Variants in RNF115 observed in about 807,000 individuals in gnomAD.
The protein encoded by RNF115 is ring finger protein 115, also known as E3 ubiquitin-protein ligase RNF115.
RNF115 carries 31 observed loss-of-function variants against 39.2 expected under a neutral mutation model. The observed-to-expected ratio is 0.79, with a 90% confidence interval of 0.59 to 1.07. RNF115 has a LOEUF of 1.07. RNF115 is among the 50% of genes least tolerant of loss of function. The pLI, the probability that RNF115 is intolerant of heterozygous loss-of-function variation, is 0.00. For synonymous variants in RNF115, 124 were observed against 131.0 expected (o/e 0.95, Z 0.37); for missense variants, 384 against 381.7 (o/e 1.01, Z -0.05).
rs184494263 is a variant in RNF115, at chr1:145,744,535, T to C, written c.*2331A>G. The C allele has an allele frequency of 1.8e-4, 27 of 152,326 alleles. No homozygotes were observed. Among genetic ancestry groups the C allele is most frequent in the African/African-American group, 5.8e-4 (24 of 41,562 alleles). The allele number at this position is 152,326 out of a possible 1,614,324, so 9.4% of individuals were successfully genotyped here. On this transcript the variant is annotated 3_prime_UTR_variant, in exon 9 of 9. Coordinates refer to ENST00000582693, the MANE Select transcript of RNF115 (RefSeq NM_014455.4). ...GCAGGCTATTATTTCAGCAGGCCAC[T>C]CTCTCACTTTTTCTGTTCCCTCTCT...
At chr1:145,794,445 G>A (rs782109998) in intron 1 of RNF115, among the ~76,000 whole-genome samples, 1 of 146,410 alleles carries the variant, frequency 6.8e-6, no homozygotes, top group South Asian at 2.2e-4. Flanking sequence ...AAAGCTTCCT[G>A]TAACTAGAAC....
In RNF115 at chr1:145,771,652, A is replaced by C; in HGVS notation, c.428+59T>G. The C allele has an allele frequency of 4.4e-6, 6 of 1,353,908 alleles. No individual in the cohort carries two copies. In the South Asian group the frequency reaches 7.4e-5, roughly 17 times the overall value. 83.9% of individuals were successfully genotyped at this position (1,353,908 alleles called of 1,614,324 possible). A position where few individuals can be genotyped will look rare whatever the true frequency, so the allele number is the denominator to read the frequency against. On this transcript the variant is annotated intron_variant, in intron 4 of 8. Coordinates refer to ENST00000582693, the MANE Select transcript of RNF115 (RefSeq NM_014455.4). The stretch of plus-strand genomic sequence containing the variant: ...ATGAGACCCTTATAAAGATTAGATT[A>C]TACCAATTTGTCCTTCATTGAAACT...
At chr1:145,767,796 C>T (rs1176272529) in intron 4 of RNF115, among the ~76,000 whole-genome samples, 1 of 152,278 alleles carries the variant, frequency 6.6e-6, no homozygotes, top group African/African-American at 2.4e-5. Flanking sequence ...CACAGCGAAA[C>T]CCCGTCTCCA....
rs111730958 is a variant in RNF115 at position 145,801,355 on chromosome 1, G to C, written c.103-12389C>G. ...AGGCCACGGAGGGAGGATCACTTGA[G>C]GCCAGGAGTTCGAGCCTGGCCCAAC... On this transcript the variant is annotated intron_variant, in intron 1 of 8. Coordinates refer to ENST00000582693, the MANE Select transcript of RNF115 (RefSeq NM_014455.4). Among the ~76,000 whole-genome samples, 929 of 152,150 alleles carry C rather than the reference G, an allele frequency of 6.1e-3. 4 individuals carry two copies. Among genetic ancestry groups the C allele is most frequent in the Admixed American group, 0.018 (278 of 15,272 alleles).
chr1:145,807,019 A>G (rs1649493444), intron 1 of RNF115, among the ~76,000 whole-genome samples: 1 of 152,250 alleles, frequency 6.6e-6, no homozygotes, highest in African/African-American at 2.4e-5. Context: ...TATAAGCAAC[A>G]CAAAATGGAC....
intron 1 of RNF115, among the ~76,000 whole-genome samples, chr1:145,814,623 A>AGTGTTAGC (rs1649898133): frequency 6.6e-6 from 1 of 151,962 alleles, no homozygotes; most frequent in Admixed American, 6.6e-5. Flanking sequence ...AGAAATACAA[A>AGTGTTAGC]GTGTTAGCAC....
intron 4 of RNF115, among the ~76,000 whole-genome samples, chr1:145,758,347 G>A (rs1173806051): frequency 2.0e-5 from 3 of 152,144 alleles, no homozygotes; most frequent in African/African-American, 7.2e-5. Context: ...TCATGTGAGT[G>A]AGCCATCTTG....
chr1:145,784,539 C>T lies in RNF115; in HGVS notation c.219G>A (p.Glu73=). 6.2e-7 allele frequency: 1 copy of T among 1,613,688 alleles called. No homozygotes were observed. The highest frequency in any genetic ancestry group is 8.5e-7 in the Non-Finnish European group (1 of 1,179,710). ...TTCCTACAGCTAAAGGAAAACTTAC[C>T]TCTGCAAAATGTGTTGTTGTGGTAT... ...IDNTTTTHFA[E]LWGHLDHTMF... Residue 73 remains glutamate, a splice_region_variant and synonymous_variant, in exon 3 of 9, where the codon GAG becomes GAA. Coordinates refer to ENST00000582693, the MANE Select transcript of RNF115 (RefSeq NM_014455.4).
intron 4 of RNF115, among the ~76,000 whole-genome samples, chr1:145,768,142 C>T (rs1448413084): frequency 6.6e-6 from 1 of 152,254 alleles, no homozygotes. Context: ...TCTTTCACGG[C>T]AAAGCCTTTG....
chr1:145,763,402 T>A (rs1282893725), intron 4 of RNF115, among the ~76,000 whole-genome samples: 1 of 151,774 alleles, frequency 6.6e-6, no homozygotes, highest in Non-Finnish European at 1.5e-5. Context: ...TAAAGCACAA[T>A]AAAATAAAAA....
intron 1 of RNF115, among the ~76,000 whole-genome samples, chr1:145,804,867 G>A (rs1157214076): frequency 1.3e-5 from 2 of 152,108 alleles, no homozygotes; most frequent in South Asian, 2.1e-4. Context: ...AATTTGGTAT[G>A]CAATATTTTA....
At chr1:145,791,186 A>C (rs1553718911) in intron 1 of RNF115, among the ~76,000 whole-genome samples, 1 of 151,684 alleles carries the variant, frequency 6.6e-6, no homozygotes, top group East Asian at 1.9e-4. Flanking sequence ...ATGTAAAGAA[A>C]GAGACTACTA....
intron 3 of RNF115, 95 bp downstream of exon 3, chr1:145,784,444 C>T (rs782339613): frequency 7.1e-5 from 80 of 1,119,008 alleles, no homozygotes; most frequent in Non-Finnish European, 9.0e-5. Context: ...TTCAGTTAAA[C>T]TCTGATGTTG....
rs1657783915 is a variant in RNF115 at position 145,744,090 on chromosome 1, A to C, written c.*2776T>G. ...CTTTGTTTCCACCCTTTTTAAAGGT[A>C]CTCAGATCCTTTCTAGTTCTCTAGG... On this transcript the variant is annotated 3_prime_UTR_variant, in exon 9 of 9. Transcript: ENST00000582693. The C allele has an allele frequency of 2.0e-5, 3 of 152,254 alleles. No individual in the cohort carries two copies. In the East Asian group the frequency reaches 5.7e-4, roughly 29 times the overall value. 9.4% of individuals were successfully genotyped at this position (152,254 alleles called of 1,614,324 possible).
intron 8 of RNF115, among the ~76,000 whole-genome samples, chr1:145,747,754 T>C (rs1553711947): frequency 1.3e-5 from 2 of 152,178 alleles, no homozygotes; most frequent in Admixed American, 1.3e-4. Context: ...CCACAATCTA[T>C]AACCAAATGA....
At chr1:145,795,456 T>A (rs1406833066) in intron 1 of RNF115, among the ~76,000 whole-genome samples, 1 of 152,152 alleles carries the variant, frequency 6.6e-6, no homozygotes, top group African/African-American at 2.4e-5. Context: ...GAGCGCTGAT[T>A]GGTCCATTTT....
chr1:145,800,921 G>A (rs955858897), intron 1 of RNF115, among the ~76,000 whole-genome samples: 9 of 152,158 alleles, frequency 5.9e-5, no homozygotes, highest in Non-Finnish European at 1.2e-4. Flanking sequence ...TGTAATCCCA[G>A]CACTTTGGGA....
At position 145,793,044 on chromosome 1, in the gene RNF115, C is replaced by T. The variant is rs142463704; in HGVS notation, c.103-4078G>A. Among the ~76,000 whole-genome samples the T allele has an allele frequency of 1.4e-4, 21 of 152,312 alleles. No individual in the cohort carries two copies. In the East Asian group the frequency reaches 4.1e-3, roughly 29 times the overall value. On this transcript the variant is annotated intron_variant, in intron 1 of 8. Coordinates refer to ENST00000582693, the MANE Select transcript of RNF115 (RefSeq NM_014455.4). ...CATTCTGAAAATTTATCTGGTCAGG[C>T]GTGGTGGCTCACGCCTATAATCTTA...
At chr1:145,768,248 C>T (rs1228853535) in intron 4 of RNF115, among the ~76,000 whole-genome samples, 9 of 152,240 alleles carry the variant, frequency 5.9e-5, no homozygotes, top group Non-Finnish European at 1.2e-4. Flanking sequence ...TCCAGGCCAG[C>T]GCCCACCCCT....
Sources: gnomAD v4.1 joint callset for allele counts (sites outside exome capture counted in the v4.1 genomes callset) on GRCh38, gnomAD v4.1.1 for gene constraint, MANE v1.5 for transcripts, NCBI Gene and HGNC (gene_info 2026-07-23, HGNC 2026-07-21) for gene names.